BMP8B: variants seen among roughly 807,000 people sequenced by gnomAD.
The protein encoded by BMP8B is bone morphogenetic protein 8 (osteogenic protein 2).
Under a neutral mutation model 30.3 loss-of-function variants are expected in BMP8B, and 17 were observed. That is an observed-to-expected ratio of 0.56 (90% CI 0.38 to 0.84). The LOEUF is 0.84. BMP8B is among the 40% of genes least tolerant of loss of function. The probability of loss-of-function intolerance (pLI) is 0.00; values close to 1 mark genes in which losing one functional copy is unlikely to be tolerated. For synonymous variants in BMP8B, 131 were observed against 214.7 expected, an observed-to-expected ratio of 0.61 and a Z score of 3.41; for missense variants, 253 against 494.6, an observed-to-expected ratio of 0.51 and a Z score of 4.63.
rs146750604 is a variant in BMP8B at position 39,763,767 on chromosome 1, C to T, written c.893G>A (p.Arg298Gln). The T allele has an allele frequency of 1.7e-4, 277 of 1,603,380 alleles. 5 individuals are homozygous for T. Among genetic ancestry groups the T allele is most frequent in the African/African-American group, 7.5e-4 (55 of 73,112 alleles). ...GAGCTCGTGCCGACGGCAGACCTGC[C>T]GGCCGTGGGAGCCGTGGACGTCATC... ...IFDDVHGSHG[R>Q]QVCRRHELYV... The change falls in exon 5 of 7, where the codon CGG becomes CAG. Residue 298 changes from arginine to glutamine, a missense_variant. By Grantham distance (43) the Arg-to-Gln change is conservative. Around this residue, in one of 7 missense-constraint regions of BMP8B, gnomAD observed 8 missense variants for 43.1 expected, o/e 0.19. Transcript: ENST00000372827.
At chr1:39,766,914 C>A (rs971686447) in intron 3 of BMP8B, among the ~76,000 whole-genome samples, 2 of 152,046 alleles carry the variant, frequency 1.3e-5, no homozygotes, top group Non-Finnish European at 2.9e-5. Flanking sequence ...TGTCACTCTG[C>A]AGACTGGCTG....
intron 1 of BMP8B, among the ~76,000 whole-genome samples, chr1:39,780,459 G>A (rs988176961): frequency 1.4e-4 from 21 of 152,294 alleles, no homozygotes; most frequent in African/African-American, 4.8e-4. Context: ...AGCACCAAGC[G>A]GTGCAGTTGA....
At chr1:39,778,622 T>G (rs1650400760) in intron 1 of BMP8B, among the ~76,000 whole-genome samples, 1 of 152,140 alleles carries the variant, frequency 6.6e-6, no homozygotes, top group Non-Finnish European at 1.5e-5. Flanking sequence ...GCTGCTCTCA[T>G]AATTACCGGT....
At chr1:39,784,644 G>T (rs1476841312) in intron 1 of BMP8B, among the ~76,000 whole-genome samples, 1 of 118,614 alleles carries the variant, frequency 8.4e-6, no homozygotes, top group African/African-American at 2.9e-5. Flanking sequence ...AAATGAAAGA[G>T]GTCCCTGGTA....
chr1:39,762,218 C>CGT lies in BMP8B; in HGVS notation c.1059+872_1059+873dup, dbSNP rs147925567. The CGT allele has an allele frequency of 6.7e-4, 190 of 282,572 alleles. 1 individual carries two copies. The highest frequency in any genetic ancestry group is 3.1e-3 in the Middle Eastern group (3 of 980). The allele number at this position is 282,572 out of a possible 1,614,324, so 17.5% of individuals were successfully genotyped here. A position where few individuals can be genotyped will look rare whatever the true frequency, so the allele number is the denominator to read the frequency against. The stretch of plus-strand genomic sequence containing the variant: ...CTCACACCAAGGCATAGTGTGCGCA[C>CGT]GTGTGTGTGTGTGTGTTTTAATTTT... On this transcript the variant is annotated intron_variant, in intron 6 of 6. Coordinates refer to ENST00000372827, the MANE Select transcript of BMP8B (RefSeq NM_001720.5).
At chr1:39,764,133 C>T (rs1272189845) in intron 4 of BMP8B, among the ~76,000 whole-genome samples, 3 of 152,130 alleles carry the variant, frequency 2.0e-5, no homozygotes, top group African/African-American at 7.3e-5. Flanking sequence ...CCCACCCTCT[C>T]CTGCCACACC....
In BMP8B at chr1:39,770,570, T is replaced by C. The variant is rs142051286; in HGVS notation, c.673+3738A>G. The C allele has an allele frequency of 8.7e-6, 14 of 1,606,372 alleles. 1 individual carries two copies. Among genetic ancestry groups the C allele is most frequent in the African/African-American group, 1.4e-5 (1 of 72,718 alleles). On this transcript the variant is annotated intron_variant, in intron 3 of 6. Transcript: ENST00000372827. ...AGCTTTGCACATGGGCACGTTGAAA[T>C]TGCGGGCGCTTCTCCTGAAGACCAC... is the stretch of plus-strand genomic sequence containing the variant.
Position 39,788,193 on chromosome 1 carries a change from C to A in BMP8B, c.293G>T (p.Arg98Leu), listed in dbSNP as rs772598422. 10 of 1,574,354 alleles carry A rather than the reference C, an allele frequency of 6.4e-6. No individual in the cohort carries two copies. The highest frequency in any genetic ancestry group is 2.8e-5 in the African/African-American group (2 of 72,074). ...DDEDGAPAER[R>L]LGRADLVMSF... ...CATGACCAGGTCGGCGCGGCCCAGG[C>A]GCCGCTCCGCGGGCGCGCCGTCCTC... Residue 98 changes from arginine (R) to leucine (L), a missense_variant, in exon 1 of 7, where the codon CGC (arginine) becomes CTC (leucine). This residue lies in a region of BMP8B where 52 missense variants were observed against 68.3 expected (regional missense o/e 0.76). Transcript: ENST00000372827. The surrounding 1 kb of genome is among the most constrained non-coding windows in gnomAD (Gnocchi z 5.8).
chr1:39,764,103 G>A (rs1186228282), intron 4 of BMP8B, among the ~76,000 whole-genome samples: 2 of 151,384 alleles, frequency 1.3e-5, no homozygotes, highest in Non-Finnish European at 2.9e-5. Context: ...CCTCCTCTCT[G>A]GAGACCCCTG....
chr1:39,787,894 C>T (rs1651098690), intron 1 of BMP8B, among the ~76,000 whole-genome samples: 1 of 152,242 alleles, frequency 6.6e-6, no homozygotes, highest in Non-Finnish European at 1.5e-5. Flanking sequence ...ATTCTTACTC[C>T]TGGGTGTGTT....
intron 1 of BMP8B, among the ~76,000 whole-genome samples, chr1:39,782,238 G>A (rs1330647773): frequency 6.6e-6 from 1 of 151,780 alleles, no homozygotes; most frequent in Non-Finnish European, 1.5e-5. Flanking sequence ...GGTCACGAGC[G>A]ACTCAATGCT....
chr1:39,760,627 A>AC, intron 6 of BMP8B, 59 bp from the exon 7 acceptor site: 1 of 1,457,960 alleles, frequency 6.9e-7, no homozygotes, highest in Non-Finnish European at 9.1e-7. Flanking sequence ...CCAAGGACCC[A>AC]CCCAGCCCCA....
chr1:39,768,135 A>G (rs1649729758), intron 3 of BMP8B, among the ~76,000 whole-genome samples: 1 of 151,480 alleles, frequency 6.6e-6, no homozygotes, highest in Non-Finnish European at 1.5e-5. Flanking sequence ...CTATAGATTC[A>G]GGAGGAAATG....
rs1648749154 is a variant in BMP8B at position 39,760,224 on chromosome 1, C to T, written c.*195G>A. On this transcript the variant is annotated 3_prime_UTR_variant, in exon 7 of 7. Coordinates refer to ENST00000372827, the MANE Select transcript of BMP8B (RefSeq NM_001720.5). ...GAGACCACCTGGGCTGGAAACAGGA[C>T]AGTCACACAAATGCCTGGCAGGGCA... 1 of 937,160 alleles carries T rather than the reference C, an allele frequency of 1.1e-6. No homozygotes were observed. The highest frequency in any genetic ancestry group is 2.8e-5 in the Admixed American group (1 of 35,256). 58.1% of individuals were successfully genotyped at this position (937,160 alleles called of 1,614,324 possible).
intron 1 of BMP8B, among the ~76,000 whole-genome samples, chr1:39,782,273 C>G (rs77736626): frequency 1.3e-5 from 2 of 152,228 alleles, no homozygotes. Context: ...GGAAGCCCCC[C>G]ACAGCATCCA....
At chr1:39,783,821 C>T (rs1650813107) in intron 1 of BMP8B, among the ~76,000 whole-genome samples, 1 of 152,164 alleles carries the variant, frequency 6.6e-6, no homozygotes, top group Non-Finnish European at 1.5e-5. Flanking sequence ...GAGGTGAGAA[C>T]ATTGCTTGAG....
At position 39,762,590 on chromosome 1, in the gene BMP8B, G is replaced by A. The variant is rs181249448; in HGVS notation, c.1059+502C>T. 1.2e-4 allele frequency: 193 copies of A among 1,550,268 alleles called. No individual in the cohort carries two copies. The East Asian group carries it at 2.0e-3, about 16-fold the overall frequency. On this transcript the variant is annotated intron_variant, in intron 6 of 6. Coordinates refer to ENST00000372827, the MANE Select transcript of BMP8B (RefSeq NM_001720.5). ...AAAGATGGCCAAGAGAGAAACTGGGGGAAAAGCCAAAAGGTTGAGAGCCAC... is the reference window on the plus strand; with the variant it reads ...AAAGATGGCCAAGAGAGAAACTGGGAGAAAAGCCAAAAGGTTGAGAGCCAC...
intron 6 of BMP8B, chr1:39,762,642 T>C: frequency 1.3e-6 from 2 of 1,544,166 alleles, no homozygotes; most frequent in Non-Finnish European, 1.7e-6. Flanking sequence ...CTGCCTGCGG[T>C]GCGGCACAGG....
rs1649775193 is a variant in BMP8B, at chr1:39,769,109, C to A, written c.674-4292G>T. ...GGAGGCTGAATTAGGATTGCTTGAG[C>A]CCAGGAGGCAGAGGTTGCAGTGAGA... On this transcript the variant is annotated intron_variant, in intron 3 of 6. Coordinates refer to ENST00000372827, the MANE Select transcript of BMP8B (RefSeq NM_001720.5). 1.3e-5 allele frequency among the ~76,000 whole-genome samples: 2 copies of A among 149,216 alleles called. 1 individual carries two copies. Among genetic ancestry groups the A allele is most frequent in the South Asian group, 4.3e-4 (2 of 4,622 alleles).
Sources: gnomAD v4.1 joint callset for allele counts (sites outside exome capture counted in the v4.1 genomes callset) on GRCh38, gnomAD v4.1.1 for gene constraint, gnomAD v4.1.1 regional missense constraint, Gnocchi (gnomAD v3.1) non-coding constraint, MANE v1.5 for transcripts, NCBI Gene and HGNC (gene_info 2026-07-23, HGNC 2026-07-21) for gene names.